PACSIN2: variants seen among roughly 807,000 people sequenced by gnomAD.
PACSIN2 encodes protein kinase C and casein kinase substrate in neurons 2, also known as protein kinase C and casein kinase substrate in neurons protein 2.
Under a neutral mutation model 63.8 loss-of-function variants are expected in PACSIN2, and 25 were observed. The observed-to-expected ratio is 0.39, with a 90% confidence interval of 0.29 to 0.55. The LOEUF (loss-of-function observed/expected upper bound fraction) is 0.55, where lower values mean the gene tolerates loss of function less well. Among genes scored for constraint, PACSIN2 ranks in the 20% least tolerant of loss-of-function variants. PACSIN2 has a pLI of 0.62. For missense variants in PACSIN2, 518 were observed against 646.9 expected (o/e 0.80, Z 2.16); for synonymous variants, 255 against 256.2 (o/e 1.00, Z 0.05).
chr22:42,893,251 A>G (rs1257980662), intron 3 of PACSIN2, among the ~76,000 whole-genome samples: 3 of 152,244 alleles, frequency 2.0e-5, no homozygotes, highest in Non-Finnish European at 4.4e-5. Flanking sequence ...AGGAAAGTGG[A>G]CAAAAGCTCA....
At chr22:42,936,162 G>A (rs1387884198) in intron 1 of PACSIN2, among the ~76,000 whole-genome samples, 1 of 149,436 alleles carries the variant, frequency 6.7e-6, no homozygotes, top group Non-Finnish European at 1.5e-5. Context: ...CTTGCAGTGA[G>A]CCAAGATTGC....
At chr22:42,966,563 A>G (rs1224731527) in intron 1 of PACSIN2, among the ~76,000 whole-genome samples, 2 of 152,248 alleles carry the variant, frequency 1.3e-5, no homozygotes, top group East Asian at 3.8e-4. Flanking sequence ...GCACTTGTCC[A>G]AAGATTTTTT....
chr22:42,989,633 A>G (rs908150222), intron 1 of PACSIN2, among the ~76,000 whole-genome samples: 16 of 151,554 alleles, frequency 1.1e-4, no homozygotes, highest in African/African-American at 3.6e-4. Flanking sequence ...CGTCTCTACT[A>G]AAAATACAAA....
chr22:43,006,850 C>A (rs1924124693), intron 1 of PACSIN2, among the ~76,000 whole-genome samples: 4 of 152,162 alleles, frequency 2.6e-5, no homozygotes, highest in Admixed American at 2.6e-4. Context: ...AGAACCCACA[C>A]AGCTACTGCA....
chr22:42,913,394 G>A (rs1218877253), intron 1 of PACSIN2, among the ~76,000 whole-genome samples: 3 of 150,290 alleles, frequency 2.0e-5, no homozygotes, highest in Non-Finnish European at 4.4e-5. Context: ...CAGGAGAATC[G>A]CTTGAACCTG....
intron 1 of PACSIN2, among the ~76,000 whole-genome samples, chr22:42,918,738 C>T (rs1203238688): frequency 6.6e-6 from 1 of 152,236 alleles, no homozygotes; most frequent in Non-Finnish European, 1.5e-5. Context: ...AGTCCCACCA[C>T]CTGCCAGGGA....
intron 5 of PACSIN2, among the ~76,000 whole-genome samples, chr22:42,888,092 T>C (rs1398252255): frequency 6.6e-6 from 1 of 151,380 alleles, no homozygotes; most frequent in Non-Finnish European, 1.5e-5. Context: ...GAGCAATCCT[T>C]CTAAACCATC....
In PACSIN2 at chr22:42,891,112, C is replaced by T. The variant is rs1341480889; in HGVS notation, c.288G>A (p.Leu96=). 6.2e-7 allele frequency: 1 copy of T among 1,614,116 alleles called. No individual in the cohort carries two copies. Among genetic ancestry groups the T allele is most frequent in the East Asian group, 2.2e-5 (1 of 44,876 alleles). Residue 96 remains leucine (L), a synonymous_variant, in exon 4 of 11, where the codon CTG becomes CTA. Transcript: ENST00000263246. ...TCAGTGAGGCCTTCACCTCGAGGTG[C>T]AGCTCGCTCACCCTCTCTGCCTCGG... ...FMSEAERVSE[L]HLEVKASLMN...
chr22:42,887,851 A>T (rs2146661753), intron 5 of PACSIN2, among the ~76,000 whole-genome samples: 1 of 152,232 alleles, frequency 6.6e-6, no homozygotes, highest in Admixed American at 6.5e-5. Context: ...CACAACAGAA[A>T]TGGAAGGGCA....
intron 1 of PACSIN2, among the ~76,000 whole-genome samples, chr22:42,974,642 G>A (rs370772325): frequency 2.6e-5 from 4 of 151,882 alleles, no homozygotes; most frequent in Non-Finnish European, 5.9e-5. Flanking sequence ...CCAGCTACTC[G>A]GGTGGCTGAG....
intron 1 of PACSIN2, among the ~76,000 whole-genome samples, chr22:42,952,725 C>T (rs962174341): frequency 6.6e-6 from 1 of 150,476 alleles, no homozygotes; most frequent in African/African-American, 2.4e-5. Context: ...TGCAGTGGAG[C>T]GATCTCGGCT....
intron 1 of PACSIN2, among the ~76,000 whole-genome samples, chr22:42,943,292 A>T (rs1342540301): frequency 6.6e-6 from 1 of 151,992 alleles, no homozygotes; most frequent in East Asian, 1.9e-4. Flanking sequence ...TTTTTTGGTG[A>T]TTCCTTATGA....
intron 2 of PACSIN2, among the ~76,000 whole-genome samples, chr22:42,908,079 C>G (rs1931208798): frequency 6.6e-6 from 1 of 152,226 alleles, no homozygotes; most frequent in Non-Finnish European, 1.5e-5. Flanking sequence ...ATGTTCTCTT[C>G]ATCTCCCCAA....
rs963294635 is a variant in PACSIN2, at chr22:42,971,242, C to T, written c.-78+43779G>A. Among the ~76,000 whole-genome samples the T allele has an allele frequency of 5.3e-5, 8 of 152,194 alleles. No homozygotes were observed. In the East Asian group the frequency reaches 7.7e-4, roughly 15 times the overall value. On this transcript the variant is annotated intron_variant, in intron 1 of 10. Transcript: ENST00000263246. ...CTGGGATTGCAGGCGCGCGCCGCCA[C>T]GCCTGACTGGTTTTTGTATTTTTTG...
intron 1 of PACSIN2, among the ~76,000 whole-genome samples, chr22:42,932,275 C>G (rs901880053): frequency 1.3e-5 from 2 of 152,160 alleles, no homozygotes; most frequent in Non-Finnish European, 2.9e-5. Context: ...AGCGTATGGC[C>G]GGCTCCCCCT....
At chr22:43,005,417 A>G (rs1189117936) in intron 1 of PACSIN2, among the ~76,000 whole-genome samples, 1 of 152,158 alleles carries the variant, frequency 6.6e-6, no homozygotes, top group Non-Finnish European at 1.5e-5. Flanking sequence ...GGAGGATATG[A>G]CCATCATCAG....
chr22:42,943,439 A>G (rs1933267623), intron 1 of PACSIN2, among the ~76,000 whole-genome samples: 1 of 152,178 alleles, frequency 6.6e-6, no homozygotes, highest in Non-Finnish European at 1.5e-5. Flanking sequence ...GAGCAGAAGG[A>G]GTGAGAACAG....
At chr22:43,014,321 TACACACAC>T (rs139728514) in intron 1 of PACSIN2, among the ~76,000 whole-genome samples, 1 of 130,450 alleles carries the variant, frequency 7.7e-6, no homozygotes, top group Non-Finnish European at 1.7e-5. Flanking sequence ...CCCCCCGCCC[TACACACAC>T]ACACACACAC....
intron 1 of PACSIN2, among the ~76,000 whole-genome samples, chr22:42,967,370 G>A (rs115603388): frequency 1.8e-4 from 28 of 152,192 alleles, no homozygotes; most frequent in African/African-American, 6.3e-4. Context: ...ACACAAGGCC[G>A]CCAACTTTAT....
Sources: gnomAD v4.1 joint callset for allele counts (sites outside exome capture counted in the v4.1 genomes callset) on GRCh38, gnomAD v4.1.1 for gene constraint, MANE v1.5 for transcripts, NCBI Gene and HGNC (gene_info 2026-07-23, HGNC 2026-07-21) for gene names.